The following SMURF1 variants were observed in gnomAD, a reference collection of about 807,000 sequenced individuals.
SMURF1 encodes E3 ubiquitin-protein ligase SMURF1.
A neutral mutation model predicts 98.0 loss-of-function variants in SMURF1; 44 were observed. The ratio of observed to expected loss-of-function variants is 0.45; its 90% CI spans 0.35 to 0.58. The LOEUF (loss-of-function observed/expected upper bound fraction) is 0.58. SMURF1 is among the 20% of genes least tolerant of loss of function. The probability of loss-of-function intolerance (pLI) is 0.00; values close to 1 mark genes in which losing one functional copy is unlikely to be tolerated. For missense variants in SMURF1, 687 were observed against 938.4 expected (o/e 0.73, Z 3.50); for synonymous variants, 396 against 374.9 (o/e 1.06, Z -0.65).
At chr7:99,057,617 T>C in intron 3 of SMURF1, 66 bp from the exon 4 acceptor site, 1 of 1,427,892 alleles carries the variant, frequency 7.0e-7, no homozygotes, top group Non-Finnish European at 9.2e-7. Context: ...TTTTTTTTTT[T>C]TTTGAGATAG....
intron 8 of SMURF1, chr7:99,050,993 C>G: frequency 6.4e-7 from 1 of 1,550,692 alleles, no homozygotes; most frequent in Non-Finnish European, 8.7e-7. Context: ...CCCCGAGGGA[C>G]TGAGGCAATG....
intron 1 of SMURF1, among the ~76,000 whole-genome samples, chr7:99,103,937 G>A (rs1184745547): frequency 6.7e-6 from 1 of 150,246 alleles, no homozygotes; most frequent in East Asian, 2.0e-4. Flanking sequence ...CTGTCACCCA[G>A]GCTAGAATGC....
Position 99,030,283 on chromosome 7 carries a change from C to CA in SMURF1, c.*300dup. On this transcript the variant is annotated 3_prime_UTR_variant, in exon 18 of 18. Coordinates refer to ENST00000361368, the MANE Select transcript of SMURF1 (RefSeq NM_181349.3). Reference sequence around the variant, plus strand: ...CTCAGGGCTGTGAGCCTTATCACCACATGGGTTGCAACACAGCAGAATATC... The same window carrying CA: ...CTCAGGGCTGTGAGCCTTATCACCACAATGGGTTGCAACACAGCAGAATATC... 1 of 337,740 alleles carries CA rather than the reference C, an allele frequency of 3.0e-6. No individual in the cohort carries two copies. The highest frequency in any genetic ancestry group is 5.3e-6 in the Non-Finnish European group (1 of 190,458). The allele number at this position is 337,740 out of a possible 1,614,324, so 20.9% of individuals were successfully genotyped here.
At chr7:99,095,899 C>A (rs1796946682) in intron 1 of SMURF1, among the ~76,000 whole-genome samples, 1 of 152,056 alleles carries the variant, frequency 6.6e-6, no homozygotes, top group Non-Finnish European at 1.5e-5. Flanking sequence ...TGGAGAAAAC[C>A]CAGATGTCCA....
chr7:99,092,747 A>G (rs1326151967), intron 1 of SMURF1, among the ~76,000 whole-genome samples: 1 of 152,172 alleles, frequency 6.6e-6, no homozygotes, highest in Non-Finnish European at 1.5e-5. Flanking sequence ...GTTCGTTGTG[A>G]GTTCAATGTT....
At chr7:99,127,695 G>C (rs1281856612) in intron 1 of SMURF1, among the ~76,000 whole-genome samples, 3 of 152,126 alleles carry the variant, frequency 2.0e-5, no homozygotes, top group Non-Finnish European at 4.4e-5. Context: ...TTTAGGCTTT[G>C]AGACATGCAC....
intron 1 of SMURF1, among the ~76,000 whole-genome samples, chr7:99,108,373 G>A (rs1294565633): frequency 6.6e-6 from 1 of 151,808 alleles, no homozygotes; most frequent in Non-Finnish European, 1.5e-5. Flanking sequence ...ACTTTGGGAG[G>A]CCGAGGCGGG....
intron 1 of SMURF1, among the ~76,000 whole-genome samples, chr7:99,062,399 A>T (rs536510899): frequency 6.6e-6 from 1 of 152,366 alleles, no homozygotes; most frequent in East Asian, 1.9e-4. Flanking sequence ...CTAATGACAG[A>T]AGAAGCTATG....
intron 16 of SMURF1, among the ~76,000 whole-genome samples, chr7:99,034,947 C>G (rs140467576): frequency 6.6e-6 from 1 of 152,374 alleles, no homozygotes; most frequent in East Asian, 1.9e-4. Flanking sequence ...ACTCACCTCA[C>G]TCCTTCCAGC....
chr7:99,096,071 A>G (rs1475981878), intron 1 of SMURF1, among the ~76,000 whole-genome samples: 1 of 152,200 alleles, frequency 6.6e-6, no homozygotes, highest in Non-Finnish European at 1.5e-5. Flanking sequence ...GTACAAGTTC[A>G]GACAGCAGCC....
chr7:99,142,509 T>TA (rs1200228512), intron 1 of SMURF1, among the ~76,000 whole-genome samples: 1 of 150,020 alleles, frequency 6.7e-6, no homozygotes, highest in Non-Finnish European at 1.5e-5. Flanking sequence ...GATTGAGGAA[T>TA]TTCAGGCTGA....
At chr7:99,035,925 A>G in intron 15 of SMURF1, 4 of 588,882 alleles carry the variant, frequency 6.8e-6, no homozygotes, top group Non-Finnish European at 1.2e-5. Context: ...CGGGTCTCCA[A>G]CCCCAAGGAC....
chr7:99,125,859 G>A (rs536357006), intron 1 of SMURF1, among the ~76,000 whole-genome samples: 2 of 152,126 alleles, frequency 1.3e-5, no homozygotes, highest in African/African-American at 2.4e-5. Flanking sequence ...CAATCTCCCC[G>A]ACAACTCACG....
chr7:99,033,250 A>G, intron 16 of SMURF1, 129 bp from the exon 17 acceptor site: 2 of 827,300 alleles, frequency 2.4e-6, no homozygotes, highest in South Asian at 3.4e-5. Context: ...GTCCTGTGAG[A>G]GGGCCATGAG....
At chr7:99,089,502 G>A (rs1796764054) in intron 1 of SMURF1, among the ~76,000 whole-genome samples, 1 of 151,884 alleles carries the variant, frequency 6.6e-6, no homozygotes. Flanking sequence ...TTAGCTGGGT[G>A]TGGTGGTGTG....
At chr7:99,041,418 C>T (rs577661009) in intron 12 of SMURF1, among the ~76,000 whole-genome samples, 23 of 152,242 alleles carry the variant, frequency 1.5e-4, no homozygotes, top group African/African-American at 5.3e-4. Context: ...AAGAAAAGAA[C>T]CATTCTAGAA....
intron 1 of SMURF1, among the ~76,000 whole-genome samples, chr7:99,108,379 G>A (rs922553947): frequency 5.3e-5 from 8 of 151,824 alleles, no homozygotes; most frequent in Non-Finnish European, 1.2e-4. Context: ...GGAGGCCGAG[G>A]CGGGCAGATT....
intron 17 of SMURF1, among the ~76,000 whole-genome samples, chr7:99,031,170 A>G (rs1005398391): frequency 6.6e-6 from 1 of 152,208 alleles, no homozygotes; most frequent in African/African-American, 2.4e-5. Context: ...CTGTCAGGCA[A>G]CGTCACCACT....
At chr7:99,119,760 A>G (rs1797557026) in intron 1 of SMURF1, among the ~76,000 whole-genome samples, 1 of 152,176 alleles carries the variant, frequency 6.6e-6, no homozygotes, top group Non-Finnish European at 1.5e-5. Context: ...GGTTCTCTAT[A>G]TTGAAAGGAG....
Sources: allele counts gnomAD v4.1 joint callset (sites outside exome capture counted in the v4.1 genomes callset), GRCh38; gene constraint gnomAD v4.1.1; transcripts MANE v1.5; gene names NCBI Gene and HGNC (gene_info 2026-07-23, HGNC 2026-07-21).